Variants in ASAP3 observed in about 807,000 individuals in gnomAD.
The protein encoded by ASAP3 is arf-GAP with SH3 domain, ANK repeat and PH domain-containing protein 3.
Under a neutral mutation model 118.2 loss-of-function variants are expected in ASAP3, and 85 were observed. The observed-to-expected ratio is 0.72, with a 90% confidence interval of 0.60 to 0.86. The LOEUF is 0.86. ASAP3 is among the 40% of genes least tolerant of loss of function. The pLI, the probability that ASAP3 is intolerant of heterozygous loss-of-function variation, is 0.00. For missense variants in ASAP3, 1,026 were observed against 1,175.0 expected (o/e 0.87, Z 1.85); for synonymous variants, 432 against 477.4 (o/e 0.90, Z 1.24).
chr1:23,441,185 T>C lies in ASAP3; in HGVS notation c.861A>G (p.Gly287=), dbSNP rs1640860035. ...REEHLSRKNS[G]CGYSIHQHQG... ...GGTGCTGGTGGATGCTATAGCCACA[T>C]CCTGAGTTCTTCCGGCTCAGGTGTT... is the stretch of plus-strand genomic sequence containing the variant. The change falls in exon 10 of 25, where the codon GGA becomes GGG. Residue 287 remains glycine, a synonymous_variant. Transcript: ENST00000336689. 5 of 1,614,228 alleles carry C rather than the reference T, an allele frequency of 3.1e-6. No homozygotes were observed. Among genetic ancestry groups the C allele is most frequent in the Non-Finnish European group, 4.2e-6 (5 of 1,180,044 alleles).
At chr1:23,440,052 G>A (rs1431084666) in intron 10 of ASAP3, among the ~76,000 whole-genome samples, 3 of 150,532 alleles carry the variant, frequency 2.0e-5, no homozygotes, top group Admixed American at 6.6e-5. Flanking sequence ...CTGGCCTCAA[G>A]TGATCTGCCT....
In ASAP3 at chr1:23,454,509, G is replaced by C. The variant is rs1393174936; in HGVS notation, c.348+1372C>G. Among the ~76,000 whole-genome samples, 6 of 152,162 alleles carry C rather than the reference G, an allele frequency of 3.9e-5. No individual in the cohort carries two copies. The East Asian group carries it at 9.7e-4, about 25-fold the overall frequency. On this transcript the variant is annotated intron_variant, in intron 3 of 24. Transcript: ENST00000336689. ...CAATTTTCATACTTTTGTAGAGTCA[G>C]GGTCTCACTACATTGCCCAGGCTGG...
In ASAP3 at chr1:23,433,679, C is replaced by T. The variant is rs1045499733; in HGVS notation, c.1966G>A (p.Glu656Lys). Residue 656 changes from glutamate to lysine, a missense_variant, in exon 20 of 25, where the codon GAG becomes AAG. Coordinates refer to ENST00000336689, the MANE Select transcript of ASAP3 (RefSeq NM_017707.4). Reference sequence around the variant, plus strand: ...TTCCTGGCTATGTCCAGAGCTGTCTCGCCTGCTTCATTTACTGTGAGCGGG... The same window carrying T: ...TTCCTGGCTATGTCCAGAGCTGTCTTGCCTGCTTCATTTACTGTGAGCGGG... ...ALVGTVNEAG[E>K]TALDIARKKH... The T allele has an allele frequency of 8.1e-6, 13 of 1,614,098 alleles. No homozygotes were observed. The highest frequency in any genetic ancestry group is 1.1e-5 in the Non-Finnish European group (13 of 1,180,046).
In ASAP3 at chr1:23,437,123, G is replaced by C. The variant is rs772133941; in HGVS notation, c.1342+7C>G. On this transcript the variant is annotated splice_region_variant and intron_variant, in intron 14 of 24. Transcript: ENST00000336689. The surrounding 1 kb of genome is among the most constrained non-coding windows in gnomAD (Gnocchi z 6.1). Reference sequence around the variant, plus strand: ...GCCTCCCTCCTGCCCCGGCCCCGGGGACCGACCTGCAGCCCCGCAGTCGCA... The same window carrying C: ...GCCTCCCTCCTGCCCCGGCCCCGGGCACCGACCTGCAGCCCCGCAGTCGCA... 6.2e-7 allele frequency: 1 copy of C among 1,602,220 alleles called. No homozygotes were observed. Among genetic ancestry groups the C allele is most frequent in the South Asian group, 1.1e-5 (1 of 89,368 alleles).
At chr1:23,448,640 T>C (rs1319683273) in intron 5 of ASAP3, among the ~76,000 whole-genome samples, 4 of 151,850 alleles carry the variant, frequency 2.6e-5, no homozygotes, top group African/African-American at 9.7e-5. Flanking sequence ...TTATTATCAA[T>C]TTTTTAAATA....
At chr1:23,464,668 A>T (rs1169013901) in intron 1 of ASAP3, among the ~76,000 whole-genome samples, 6 of 120,706 alleles carry the variant, frequency 5.0e-5, no homozygotes, top group African/African-American at 1.7e-4. Context: ...TTAAAAAAAA[A>T]AAAAAAAAAA....
chr1:23,450,525 A>T (rs1026856829), intron 5 of ASAP3, among the ~76,000 whole-genome samples: 2 of 150,854 alleles, frequency 1.3e-5, no homozygotes, highest in African/African-American at 4.9e-5. Flanking sequence ...AAAATTAAGA[A>T]TTTTTCTCCT....
chr1:23,442,647 T>C (rs1168547246), intron 5 of ASAP3, 35 bp from the exon 6 acceptor site: 15 of 1,603,638 alleles, frequency 9.4e-6, no homozygotes, highest in Non-Finnish European at 1.2e-5. Flanking sequence ...TGAACAAGTC[T>C]CACCAGCCCC....
At chr1:23,441,842 T>A in intron 7 of ASAP3, 112 bp from the exon 8 acceptor site, 1 of 1,141,874 alleles carries the variant, frequency 8.8e-7, no homozygotes, top group Non-Finnish European at 1.3e-6. Flanking sequence ...CAGGGAATTG[T>A]AGTCTGACGG....
At chr1:23,473,605 T>C (rs1248654253) in intron 1 of ASAP3, among the ~76,000 whole-genome samples, 1 of 152,202 alleles carries the variant, frequency 6.6e-6, no homozygotes, top group African/African-American at 2.4e-5. Flanking sequence ...GACCTAAAGT[T>C]ACAGTTTCTG....
chr1:23,475,672 T>C (rs369819693), intron 1 of ASAP3, among the ~76,000 whole-genome samples: 1 of 152,174 alleles, frequency 6.6e-6, no homozygotes, highest in Non-Finnish European at 1.5e-5. Context: ...TATAAAGATA[T>C]ACAGATAGAA....
intron 5 of ASAP3, among the ~76,000 whole-genome samples, chr1:23,445,203 G>A (rs1440325000): frequency 6.6e-6 from 1 of 152,100 alleles, no homozygotes; most frequent in Non-Finnish European, 1.5e-5. Flanking sequence ...TATGGAATTA[G>A]GGAGGGCTGG....
At position 23,437,462 on chromosome 1, in the gene ASAP3, C is replaced by T. The variant is rs755162074; in HGVS notation, c.1113G>A (p.Thr371=). 2.5e-6 allele frequency: 4 copies of T among 1,614,120 alleles called. No homozygotes were observed. Among genetic ancestry groups the T allele is most frequent in the Non-Finnish European group, 3.4e-6 (4 of 1,179,996 alleles). Residue 371 remains threonine, a synonymous_variant, in exon 13 of 25, where the codon ACG becomes ACA. Coordinates refer to ENST00000336689, the MANE Select transcript of ASAP3 (RefSeq NM_017707.4). The surrounding 1 kb of genome is among the most constrained non-coding windows in gnomAD (Gnocchi z 6.1). ...GCTCGTCCTCTGCCTGAAAGTGGTA[C>T]GTCCGGTTGTCTGTCGGGAGAGAAG... ...KCFDLVTHNR[T]YHFQAEDEHE...
rs771731284 is a variant in ASAP3, at chr1:23,431,752, T to C, written c.2490A>G (p.Arg830=). ...EGLREPPGTS[R]PSLTSGTTPS... Reference sequence around the variant, plus strand: ...GGGTGGTCCCGGATGTCAGGCTGGGTCTGGAGGTGCCTGGGGGCTCTCGGA... The same window carrying C: ...GGGTGGTCCCGGATGTCAGGCTGGGCCTGGAGGTGCCTGGGGGCTCTCGGA... The change falls in exon 23 of 25, where the codon AGA becomes AGG. Residue 830 remains arginine (R), a synonymous_variant. Coordinates refer to ENST00000336689, the MANE Select transcript of ASAP3 (RefSeq NM_017707.4). 1 of 1,527,368 alleles carries C rather than the reference T, an allele frequency of 6.5e-7. No homozygotes were observed. Among genetic ancestry groups the C allele is most frequent in the South Asian group, 1.3e-5 (1 of 76,048 alleles). The allele number at this position is 1,527,368 out of a possible 1,614,324, so 94.6% of individuals were successfully genotyped here.
intron 18 of ASAP3, 76 bp downstream of exon 18, chr1:23,434,457 G>A (rs981103366): frequency 1.4e-5 from 22 of 1,601,898 alleles, no homozygotes; most frequent in African/African-American, 1.3e-4. Context: ...GGGGAAAGGA[G>A]GGAAGAGAAT....
chr1:23,448,523 C>A lies in ASAP3; in HGVS notation c.473+2956G>T, dbSNP rs184872019. 3.0e-3 allele frequency among the ~76,000 whole-genome samples: 458 copies of A among 152,046 alleles called. 2 individuals carry two copies. Among genetic ancestry groups the A allele is most frequent in the African/African-American group, 0.01 (435 of 41,508 alleles). ...CCCAAGCTGGTCTCAAATTTCCTGG[C>A]CTTAAGCAATCCTCCTGCCTCAGCC... On this transcript the variant is annotated intron_variant, in intron 5 of 24. Transcript: ENST00000336689.
At chr1:23,465,748 C>T (rs1170065236) in intron 1 of ASAP3, among the ~76,000 whole-genome samples, 1 of 152,098 alleles carries the variant, frequency 6.6e-6, no homozygotes, top group Non-Finnish European at 1.5e-5. Flanking sequence ...ATGATCTGCC[C>T]ACCTCGGCCT....
At chr1:23,481,388 C>A (rs1360168964) in intron 1 of ASAP3, among the ~76,000 whole-genome samples, 1 of 152,144 alleles carries the variant, frequency 6.6e-6, no homozygotes, top group Non-Finnish European at 1.5e-5. Flanking sequence ...GTTAGTCAAG[C>A]CCAGAACTGG....
rs139321721 is a variant in ASAP3, at chr1:23,456,362, A to G, written c.130-168T>C. Reference sequence around the variant, plus strand: ...CTAGGGTCTTCCTGTTTACCCCACCAAACAAAAAACCACACAGAAACCACA... The same window carrying G: ...CTAGGGTCTTCCTGTTTACCCCACCGAACAAAAAACCACACAGAAACCACA... On this transcript the variant is annotated intron_variant, in intron 1 of 24. Coordinates refer to ENST00000336689, the MANE Select transcript of ASAP3 (RefSeq NM_017707.4). Among the ~76,000 whole-genome samples the G allele has an allele frequency of 2.0e-4, 31 of 152,256 alleles. No individual in the cohort carries two copies. The East Asian group carries it at 5.2e-3, about 26-fold the overall frequency.
Sources: allele counts gnomAD v4.1 joint callset (sites outside exome capture counted in the v4.1 genomes callset), GRCh38; gene constraint gnomAD v4.1.1; non-coding constraint Gnocchi (gnomAD v3.1); transcripts MANE v1.5; gene names NCBI Gene and HGNC (gene_info 2026-07-23, HGNC 2026-07-21).